Variants in CSMD1 observed in about 807,000 individuals in gnomAD.
CSMD1 encodes CUB and Sushi multiple domains 1, also known as CUB and sushi domain-containing protein 1.
Under a neutral mutation model 417.5 loss-of-function variants are expected in CSMD1, and 213 were observed. The ratio of observed to expected loss-of-function variants is 0.51; its 90% CI spans 0.46 to 0.57. The LOEUF (loss-of-function observed/expected upper bound fraction) is 0.57. Among genes scored for constraint, CSMD1 ranks in the 20% least tolerant of loss-of-function variants. CSMD1 has a pLI of 0.00. For synonymous variants in CSMD1, 2,862 were observed against 1,736.8 expected, an observed-to-expected ratio of 1.65 and a Z score of -16.11; for missense variants, 6,923 against 4,529.7, an observed-to-expected ratio of 1.53 and a Z score of -15.17.
At chr8:4,772,695 T>C (rs1314536428) in intron 1 of CSMD1, among the ~76,000 whole-genome samples, 1 of 152,168 alleles carries the variant, frequency 6.6e-6, no homozygotes, top group East Asian at 1.9e-4. Context: ...TGTGAAAGGA[T>C]GTGCATTGAG....
chr8:4,009,609 G>GCCA (rs1275291590), intron 4 of CSMD1, among the ~76,000 whole-genome samples: 1 of 152,100 alleles, frequency 6.6e-6, no homozygotes, highest in Non-Finnish European at 1.5e-5. Flanking sequence ...CAATTGCATG[G>GCCA]GGAAATATCC....
At chr8:4,710,569 G>T (rs1284612912) in intron 1 of CSMD1, among the ~76,000 whole-genome samples, 4 of 150,732 alleles carry the variant, frequency 2.7e-5, no homozygotes, top group Non-Finnish European at 5.9e-5. Flanking sequence ...ATGGCTTCTG[G>T]GTGCGGTGGC....
chr8:4,333,859 C>T (rs62480601), intron 3 of CSMD1, among the ~76,000 whole-genome samples: 5,324 of 152,188 alleles, frequency 0.035, 129 homozygotes, highest in Non-Finnish European at 0.055. Context: ...TCATCTTTAA[C>T]ATGGGGATTC....
intron 2 of CSMD1, among the ~76,000 whole-genome samples, chr8:4,554,689 C>G (rs1418978206): frequency 2.0e-5 from 3 of 152,140 alleles, no homozygotes; most frequent in African/African-American, 7.2e-5. Flanking sequence ...TAAGAATCAT[C>G]ATAAATACCT....
chr8:3,359,167 G>C lies in CSMD1; in HGVS notation c.3289C>G (p.Leu1097Val). The change falls in exon 21 of 70, where the codon CTG becomes GTG. Residue 1097 changes from leucine (L) to valine (V), a missense_variant. Leu to Val is a conservative substitution (Grantham distance 32). Transcript: ENST00000635120. ...GGGRRVWSAP[L>V]PRCVAECGAS... ...GACCACCTACCCACACACCTTGGCA[G>C]AGGTGCACTCCACACACGGCGGCCC... is the stretch of plus-strand genomic sequence containing the variant. 2 of 1,614,028 alleles carry C rather than the reference G, an allele frequency of 1.2e-6. No homozygotes were observed. Among genetic ancestry groups the C allele is most frequent in the Non-Finnish European group, 1.7e-6 (2 of 1,179,960 alleles).
intron 2 of CSMD1, among the ~76,000 whole-genome samples, chr8:4,496,687 G>C (rs536376864): frequency 2.6e-5 from 4 of 152,060 alleles, no homozygotes; most frequent in Non-Finnish European, 5.9e-5. Context: ...CTCTGACAAA[G>C]CAGGCACAGC....
intron 1 of CSMD1, among the ~76,000 whole-genome samples, chr8:4,652,636 G>C (rs77836590): frequency 0.018 from 2,694 of 151,966 alleles, 36 homozygotes; most frequent in South Asian, 0.034. Context: ...TGGAGACAGA[G>C]AGAGACTCTG....
intron 3 of CSMD1, among the ~76,000 whole-genome samples, chr8:4,319,925 C>T (rs1443973074): frequency 1.3e-5 from 2 of 152,076 alleles, no homozygotes; most frequent in Admixed American, 1.3e-4. Context: ...AGTAGGGAGT[C>T]ATCTTCAGAG....
chr8:3,637,916 G>C (rs1328177939), intron 7 of CSMD1, among the ~76,000 whole-genome samples: 1 of 152,190 alleles, frequency 6.6e-6, no homozygotes, highest in East Asian at 1.9e-4. Flanking sequence ...ACACTCTCTT[G>C]ATTGCCGCCA....
intron 3 of CSMD1, among the ~76,000 whole-genome samples, chr8:4,205,881 A>T (rs1258320944): frequency 6.6e-6 from 1 of 152,190 alleles, no homozygotes; most frequent in Non-Finnish European, 1.5e-5. Flanking sequence ...ACTTCCTATT[A>T]TGCACTGTGC....
chr8:4,412,412 T>C (rs1013730834), intron 3 of CSMD1, among the ~76,000 whole-genome samples: 18 of 152,186 alleles, frequency 1.2e-4, no homozygotes, highest in African/African-American at 4.3e-4. Flanking sequence ...GGCTCCTCCT[T>C]TGCCTTCTAC....
At chr8:3,100,121 G>A (rs1563339414) in intron 46 of CSMD1, among the ~76,000 whole-genome samples, 1 of 151,938 alleles carries the variant, frequency 6.6e-6, no homozygotes, top group African/African-American at 2.4e-5. Context: ...GCAGGATCAC[G>A]GCTCACTGCA....
chr8:3,817,840 C>A (rs920791775), intron 5 of CSMD1, among the ~76,000 whole-genome samples: 1 of 152,080 alleles, frequency 6.6e-6, no homozygotes, highest in African/African-American at 2.4e-5. Context: ...GTCCAGCTTT[C>A]CCAGAGTCCA....
chr8:3,495,555 C>G (rs1796330406), intron 10 of CSMD1, among the ~76,000 whole-genome samples: 1 of 152,180 alleles, frequency 6.6e-6, no homozygotes, highest in South Asian at 2.1e-4. Context: ...TGTCAAACAC[C>G]AATCTTTACT....
At chr8:3,311,914 G>A (rs963782566) in intron 23 of CSMD1, among the ~76,000 whole-genome samples, 2 of 152,114 alleles carry the variant, frequency 1.3e-5, no homozygotes, top group South Asian at 2.1e-4. Flanking sequence ...TGCTTTAAAC[G>A]TTATCCAGAA....
At chr8:4,186,199 G>T (rs3849839) in intron 3 of CSMD1, among the ~76,000 whole-genome samples, 1 of 151,976 alleles carries the variant, frequency 6.6e-6, no homozygotes, top group African/African-American at 2.4e-5. Context: ...AGAGAACATT[G>T]TGGAACACTG....
intron 26 of CSMD1, among the ~76,000 whole-genome samples, chr8:3,244,131 G>C (rs182184339): frequency 1.3e-5 from 2 of 152,156 alleles, no homozygotes; most frequent in African/African-American, 2.4e-5. Context: ...ACCCTCTGTC[G>C]TTCAACACGT....
At chr8:3,964,829 C>A (rs904359412) in intron 5 of CSMD1, among the ~76,000 whole-genome samples, 1 of 152,126 alleles carries the variant, frequency 6.6e-6, no homozygotes. Context: ...AAATAATACA[C>A]GGTTATTCAC....
chr8:3,897,755 A>G (rs1268920580), intron 5 of CSMD1, among the ~76,000 whole-genome samples: 3 of 152,170 alleles, frequency 2.0e-5, no homozygotes, highest in Non-Finnish European at 2.9e-5. Flanking sequence ...TCCATGAAAC[A>G]TTCTGTGATA....
Sources: allele counts gnomAD v4.1 joint callset (sites outside exome capture counted in the v4.1 genomes callset), GRCh38; gene constraint gnomAD v4.1.1; transcripts MANE v1.5; gene names NCBI Gene and HGNC (gene_info 2026-07-23, HGNC 2026-07-21).